Variants in TMOD3 observed in about 807,000 individuals in gnomAD.
TMOD3 encodes the protein tropomodulin 3, also known as tropomodulin-3.
TMOD3 carries 20 observed loss-of-function variants against 39.2 expected under a neutral mutation model. That is an observed-to-expected ratio of 0.51 (90% CI 0.36 to 0.74). The LOEUF is 0.74. TMOD3 is among the 30% of genes least tolerant of loss of function. TMOD3 has a pLI of 0.00. For missense variants in TMOD3, 381 were observed against 412.8 expected (o/e 0.92, Z 0.67); for synonymous variants, 143 against 145.8 (o/e 0.98, Z 0.14).
intron 5 of TMOD3, among the ~76,000 whole-genome samples, chr15:51,891,951 G>A (rs1227919516): frequency 1.3e-5 from 2 of 152,148 alleles, no homozygotes; most frequent in East Asian, 1.9e-4. Flanking sequence ...GGATAAATCT[G>A]AAAACAGCTA....
chr15:51,859,079 A>G (rs1169733485), intron 1 of TMOD3: 6 of 499,708 alleles, frequency 1.2e-5, no homozygotes, highest in Admixed American at 3.0e-5. Context: ...TCAGACAGCC[A>G]TCTTGTCTGC....
At chr15:51,907,026 A>AG (rs1160335457) in intron 9 of TMOD3, among the ~76,000 whole-genome samples, 1 of 151,922 alleles carries the variant, frequency 6.6e-6, no homozygotes, top group African/African-American at 2.4e-5. Flanking sequence ...GTCTCAAAAA[A>AG]AAAAAAAAAA....
At chr15:51,857,871 G>A (rs1421008665) in intron 1 of TMOD3, among the ~76,000 whole-genome samples, 1 of 151,570 alleles carries the variant, frequency 6.6e-6, no homozygotes, top group Non-Finnish European at 1.5e-5. Context: ...TTTTTATAAA[G>A]GGAAAATTTT....
At chr15:51,898,522 T>C (rs1262976529) in intron 7 of TMOD3, among the ~76,000 whole-genome samples, 1 of 152,216 alleles carries the variant, frequency 6.6e-6, no homozygotes, top group Non-Finnish European at 1.5e-5. Flanking sequence ...CAATGTGTTT[T>C]ATCTCTGAAT....
Position 51,908,837 on chromosome 15 carries a change from A to G in TMOD3, c.*27A>G, listed in dbSNP as rs200837938. The G allele has an allele frequency of 3.8e-6, 6 of 1,587,380 alleles. No homozygotes were observed. The highest frequency in any genetic ancestry group is 1.7e-6 in the Non-Finnish European group (2 of 1,166,624). ...TCTGCAAAGGTGTAATCTTTGGAAG[A>G]CTTCAGAAGATCACCAAGGGCTCAT... On this transcript the variant is annotated 3_prime_UTR_variant, in exon 10 of 10. Coordinates refer to ENST00000308580, the MANE Select transcript of TMOD3 (RefSeq NM_014547.5).
chr15:51,881,997 C>T (rs139966142), intron 3 of TMOD3, among the ~76,000 whole-genome samples: 2,627 of 151,336 alleles, frequency 0.017, 78 homozygotes, highest in East Asian at 0.072. Context: ...CAGGTTCAAG[C>T]GATTCTCCTG....
intron 1 of TMOD3, among the ~76,000 whole-genome samples, chr15:51,842,146 T>C (rs952629939): frequency 6.6e-6 from 1 of 152,208 alleles, no homozygotes; most frequent in African/African-American, 2.4e-5. Flanking sequence ...TTATCATTTA[T>C]AGTGAACTCT....
intron 1 of TMOD3, chr15:51,861,307 A>G (rs896529936): frequency 3.2e-6 from 1 of 315,822 alleles, no homozygotes; most frequent in South Asian, 3.5e-5. Context: ...TCCGAACTCT[A>G]CAACCCCATG....
intron 6 of TMOD3, among the ~76,000 whole-genome samples, chr15:51,894,753 T>G (rs756538068): frequency 2.0e-5 from 3 of 152,224 alleles, no homozygotes; most frequent in African/African-American, 4.8e-5. Flanking sequence ...ACGCTGCAGT[T>G]TGTTTATCTG....
intron 9 of TMOD3, among the ~76,000 whole-genome samples, chr15:51,905,966 A>G (rs1003769245): frequency 4.7e-5 from 7 of 149,176 alleles, no homozygotes; most frequent in South Asian, 2.1e-4. Context: ...AAAAAAAAAA[A>G]AAAAAAAAAA....
chr15:51,869,367 A>T lies in TMOD3; in HGVS notation c.277A>T (p.Lys93Ter). 6.2e-7 allele frequency: 1 copy of T among 1,610,214 alleles called. No individual in the cohort carries two copies. The highest frequency in any genetic ancestry group is 8.5e-7 in the Non-Finnish European group (1 of 1,179,100). ...REDYVPYTGEKKGKIFIPKQK... is the reference protein window; with the variant it reads ...REDYVPYTGE ...AGACTATGTGCCCTACACTGGAGAA[A>T]AAAAAGGTAAGCCCCAGAATTTTAA... The change falls in exon 3 of 10, where the codon AAA becomes TAA. Residue 93 changes from lysine to a stop codon, truncating the protein, a stop_gained. Coordinates refer to ENST00000308580, the MANE Select transcript of TMOD3 (RefSeq NM_014547.5). LOFTEE classifies it high-confidence loss of function.
chr15:51,900,034 A>T (rs1219645123), intron 7 of TMOD3, 121 bp from the exon 8 acceptor site: 3 of 998,486 alleles, frequency 3.0e-6, no homozygotes, highest in Admixed American at 2.6e-5. Context: ...TACTGTGTCA[A>T]ACTGAAACAA....
chr15:51,896,084 G>A (rs1378138527), intron 6 of TMOD3, among the ~76,000 whole-genome samples: 4 of 151,884 alleles, frequency 2.6e-5, no homozygotes, highest in Non-Finnish European at 5.9e-5. Flanking sequence ...CTCCAACCTG[G>A]GCAACAAGAG....
At chr15:51,900,133 TA>T in intron 7 of TMOD3, 21 bp from the exon 8 acceptor site, 3 of 1,604,770 alleles carry the variant, frequency 1.9e-6, no homozygotes, top group Middle Eastern at 1.7e-4. Flanking sequence ...TTTAATCTCT[TA>T]ATATTTTCTC....
chr15:51,868,469 A>G (rs1034504319), intron 2 of TMOD3, among the ~76,000 whole-genome samples: 10 of 151,918 alleles, frequency 6.6e-5, no homozygotes, highest in African/African-American at 1.9e-4. Flanking sequence ...CTATGCTCCA[A>G]TATGTGTGCT....
chr15:51,839,774 T>C (rs1170908374), intron 1 of TMOD3, among the ~76,000 whole-genome samples: 2 of 152,180 alleles, frequency 1.3e-5, no homozygotes, highest in East Asian at 3.8e-4. Context: ...TGTGTTATCA[T>C]TTGGAAATTT....
chr15:51,898,628 C>A (rs1294103726), intron 7 of TMOD3, among the ~76,000 whole-genome samples: 1 of 152,172 alleles, frequency 6.6e-6, no homozygotes, highest in East Asian at 1.9e-4. Flanking sequence ...CTAGTTGTTG[C>A]TAATAGAAAG....
At chr15:51,880,581 A>C (rs1022178055) in intron 3 of TMOD3, among the ~76,000 whole-genome samples, 2 of 152,198 alleles carry the variant, frequency 1.3e-5, no homozygotes, top group African/African-American at 4.8e-5. Context: ...AAACAGAATC[A>C]TACAATATGT....
chr15:51,883,094 G>A (rs77600725), intron 3 of TMOD3, among the ~76,000 whole-genome samples: 5,582 of 152,172 alleles, frequency 0.037, 128 homozygotes, highest in Non-Finnish European at 0.05. Context: ...TATTGTACAA[G>A]CTAAATACCT....
Sources: allele counts gnomAD v4.1 joint callset (sites outside exome capture counted in the v4.1 genomes callset), GRCh38; gene constraint gnomAD v4.1.1; transcripts MANE v1.5; gene names NCBI Gene and HGNC (gene_info 2026-07-23, HGNC 2026-07-21).